Variants in QSOX2 observed in about 807,000 individuals in gnomAD.
The protein encoded by QSOX2 is quiescin sulfhydryl oxidase 2.
A neutral mutation model predicts 61.7 loss-of-function variants in QSOX2; 46 were observed. The observed-to-expected ratio is 0.75, with a 90% confidence interval of 0.59 to 0.95. QSOX2 has a LOEUF of 0.95. Among genes scored for constraint, QSOX2 ranks in the 40% least tolerant of loss-of-function variants. The pLI, the probability that QSOX2 is intolerant of heterozygous loss-of-function variation, is 0.00. For synonymous variants in QSOX2, 383 were observed against 388.4 expected, an observed-to-expected ratio of 0.99 and a Z score of 0.16; for missense variants, 879 against 918.9, an observed-to-expected ratio of 0.96 and a Z score of 0.56.
At chr9:136,236,245 A>G (rs1420948521) in intron 1 of QSOX2, among the ~76,000 whole-genome samples, 1 of 152,218 alleles carries the variant, frequency 6.6e-6, no homozygotes, top group African/African-American at 2.4e-5. Flanking sequence ...GGGCACCCGG[A>G]GACAGGACTG....
Position 136,228,861 on chromosome 9 carries a change from T to C in QSOX2, c.329-1987A>G, listed in dbSNP as rs567199115. On this transcript the variant is annotated intron_variant, in intron 1 of 11. Transcript: ENST00000358701. ...GATTCTGCCCACTTGTCTAAATCAA[T>C]GATTCCACTATAAATCATGTAAAAA... Among the ~76,000 whole-genome samples the C allele has an allele frequency of 2.0e-5, 3 of 152,336 alleles. No homozygotes were observed. The East Asian group carries it at 5.8e-4, about 29-fold the overall frequency.
chr9:136,242,987 G>A (rs1055662002), intron 1 of QSOX2, among the ~76,000 whole-genome samples: 1 of 152,208 alleles, frequency 6.6e-6, no homozygotes, highest in Non-Finnish European at 1.5e-5. Context: ...AGGCCCTGAC[G>A]GCAAGGGAGG....
Position 136,221,884 on chromosome 9 carries a change from C to T in QSOX2, c.733G>A (p.Asp245Asn), listed in dbSNP as rs1490764146. ...CCAAGTTTCTCCAGAAATGCTTTGT[C>T]CCCGTCCAGTGCTCGGGTCACCACG... ...SIVVTRALDG[D>N]KAFLEKLGVS... Residue 245 changes from aspartate (D) to asparagine (N), a missense_variant, in exon 6 of 12, where the codon GAC becomes AAC. Asp to Asn is a conservative substitution (Grantham distance 23). Coordinates refer to ENST00000358701, the MANE Select transcript of QSOX2 (RefSeq NM_181701.4). This position sits in a 1 kb window ranked among gnomAD's most constrained non-coding sequence, Gnocchi z 4.5. 1.2e-6 allele frequency: 2 copies of T among 1,612,504 alleles called. No individual in the cohort carries two copies. Among genetic ancestry groups the T allele is most frequent in the South Asian group, 1.1e-5 (1 of 90,600 alleles).
At position 136,224,914 on chromosome 9, in the gene QSOX2, G is replaced by A. The variant is rs1473622737; in HGVS notation, c.430-5C>T. On this transcript the variant is annotated splice_polypyrimidine_tract_variant and splice_region_variant and intron_variant, in intron 2 of 11. Transcript: ENST00000358701. ...CTTTGTAAATGCTTTAAAATACTAA[G>A]AGGAAAAACACAGAACAAGTAAGAG... 6.2e-7 allele frequency: 1 copy of A among 1,602,436 alleles called. No homozygotes were observed. Among genetic ancestry groups the A allele is most frequent in the Admixed American group, 1.7e-5 (1 of 58,482 alleles).
rs1436992937 is a variant in QSOX2 at position 136,207,664 on chromosome 9, G to A, written c.*1064C>T. 1 of 152,512 alleles carries A rather than the reference G, an allele frequency of 6.6e-6. No homozygotes were observed. The highest frequency in any genetic ancestry group is 1.9e-4 in the East Asian group (1 of 5,316). 9.4% of individuals were successfully genotyped at this position (152,512 alleles called of 1,614,324 possible). On this transcript the variant is annotated 3_prime_UTR_variant, in exon 12 of 12. Transcript: ENST00000358701. ...CTTCCCAAAACAGCTTCAGGCAAAG[G>A]AAGCCTGGCCCCCTCCGTGGGCCGA...
Position 136,222,900 on chromosome 9 carries a change from G to A in QSOX2, c.675+863C>T, listed in dbSNP as rs115715651. On this transcript the variant is annotated intron_variant, in intron 5 of 11. Transcript: ENST00000358701. The surrounding 1 kb of genome is among the most constrained non-coding windows in gnomAD (Gnocchi z 6.9). Reference sequence around the variant, plus strand: ...TCTGGGAGAGCCACACACTGCTAGCGGTTCCTCAGCCCTCCACAGAGAATC... The same window carrying A: ...TCTGGGAGAGCCACACACTGCTAGCAGTTCCTCAGCCCTCCACAGAGAATC... Among the ~76,000 whole-genome samples the A allele has an allele frequency of 5.2e-3, 799 of 152,314 alleles. 7 individuals carry two copies. The highest frequency in any genetic ancestry group is 0.018 in the African/African-American group (759 of 41,566).
chr9:136,216,409 G>C (rs1014055845), intron 9 of QSOX2, among the ~76,000 whole-genome samples, 191 bp downstream of exon 9: 2 of 152,238 alleles, frequency 1.3e-5, no homozygotes, highest in African/African-American at 4.8e-5. Flanking sequence ...TTAAACTGAA[G>C]TCCCAGCATG....
rs565213953 is a variant in QSOX2, at chr9:136,210,611, A to G, written c.1549+653T>C. 4.2e-4 allele frequency: 414 copies of G among 985,470 alleles called. 1 individual carries two copies. In the African/African-American group the frequency reaches 6.9e-3, roughly 16 times the overall value. The allele number at this position is 985,470 out of a possible 1,614,324, so 61.0% of individuals were successfully genotyped here. A position where few individuals can be genotyped will look rare whatever the true frequency, so the allele number is the denominator to read the frequency against. ...TCACATGACCCCGGCCCCGGCAGTC[A>G]GGCTCAGGGCAAAGAAAAACCAATT... On this transcript the variant is annotated intron_variant, in intron 11 of 11. Coordinates refer to ENST00000358701, the MANE Select transcript of QSOX2 (RefSeq NM_181701.4).
intron 1 of QSOX2, among the ~76,000 whole-genome samples, chr9:136,229,856 T>C (rs1314215820): frequency 1.3e-5 from 2 of 152,204 alleles, no homozygotes; most frequent in Non-Finnish European, 2.9e-5. Flanking sequence ...TCCTAGTTTC[T>C]ATCTTCCCGT....
At chr9:136,210,537 A>G (rs1831832303) in intron 11 of QSOX2, 2 of 985,324 alleles carry the variant, frequency 2.0e-6, no homozygotes, top group African/African-American at 1.7e-5. Flanking sequence ...AGAGACGGAG[A>G]AGCTGCGCTG....
chr9:136,227,209 G>A lies in QSOX2; in HGVS notation c.329-335C>T, dbSNP rs544934608. Among the ~76,000 whole-genome samples the A allele has an allele frequency of 2.0e-4, 30 of 152,286 alleles. No individual in the cohort carries two copies. The South Asian group carries it at 3.5e-3, about 18-fold the overall frequency. On this transcript the variant is annotated intron_variant, in intron 1 of 11. Coordinates refer to ENST00000358701, the MANE Select transcript of QSOX2 (RefSeq NM_181701.4). ...GCTGGTAACAGACGCGGCTGTCAGCGGCCGGCACTTAAGTCAGGACAGCAA... is the reference window on the plus strand; with the variant it reads ...GCTGGTAACAGACGCGGCTGTCAGCAGCCGGCACTTAAGTCAGGACAGCAA...
chr9:136,229,193 A>G (rs1830308342), intron 1 of QSOX2, among the ~76,000 whole-genome samples: 1 of 152,372 alleles, frequency 6.6e-6, no homozygotes, highest in East Asian at 1.9e-4. Context: ...CTTTCAGTGG[A>G]TGAGGGAGAA....
Position 136,224,654 on chromosome 9 carries a change from A to G in QSOX2, c.478+207T>C, listed in dbSNP as rs553223870. On this transcript the variant is annotated intron_variant, in intron 3 of 11. Transcript: ENST00000358701. ...TTACTCTGAAAAAGTTTTTACTACA[A>G]TATTTGCCAAGCAAGGCAAAGCACA... 3.3e-5 allele frequency among the ~76,000 whole-genome samples: 5 copies of G among 152,328 alleles called. No homozygotes were observed. The East Asian group carries it at 5.8e-4, about 18-fold the overall frequency.
rs1831805872 is a variant in QSOX2, at chr9:136,208,649, T to C, written c.*79A>G. On this transcript the variant is annotated 3_prime_UTR_variant, in exon 12 of 12. Coordinates refer to ENST00000358701, the MANE Select transcript of QSOX2 (RefSeq NM_181701.4). ...CGCATGTTTATAAAATCCCTGATCA[T>C]AAATATTAAAGCTGCAGGTGGCACG... 1 of 1,468,608 alleles carries C rather than the reference T, an allele frequency of 6.8e-7. No individual in the cohort carries two copies. The highest frequency in any genetic ancestry group is 9.1e-7 in the Non-Finnish European group (1 of 1,102,978). 91.0% of individuals were successfully genotyped at this position (1,468,608 alleles called of 1,614,324 possible).
intron 1 of QSOX2, among the ~76,000 whole-genome samples, chr9:136,230,566 C>T (rs1182670446): frequency 2.0e-5 from 3 of 152,226 alleles, no homozygotes; most frequent in Non-Finnish European, 2.9e-5. Flanking sequence ...GCCTCCGTGA[C>T]GGCATCCTTA....
chr9:136,211,510 C>T (rs540698056), intron 10 of QSOX2, 58 bp from the exon 11 acceptor site: 22 of 1,565,032 alleles, frequency 1.4e-5, no homozygotes, highest in Middle Eastern at 1.7e-4. Flanking sequence ...CCTGACCCCA[C>T]GCTTGTCCAG....
At chr9:136,215,683 T>C (rs1831903814) in intron 9 of QSOX2, among the ~76,000 whole-genome samples, 1 of 152,164 alleles carries the variant, frequency 6.6e-6, no homozygotes, top group Non-Finnish European at 1.5e-5. Flanking sequence ...AACTGTCAAA[T>C]AATTCTTGGC....
chr9:136,236,248 C>T (rs1377258756), intron 1 of QSOX2, among the ~76,000 whole-genome samples: 1 of 152,248 alleles, frequency 6.6e-6, no homozygotes, highest in Non-Finnish European at 1.5e-5. Flanking sequence ...CACCCGGAGA[C>T]AGGACTGGCT....
chr9:136,232,917 C>CAAAAAAAAAAAAAAAAAAAAAAAA (rs60814748), intron 1 of QSOX2, among the ~76,000 whole-genome samples: 1 of 45,518 alleles, frequency 2.2e-5, no homozygotes, highest in Non-Finnish European at 4.6e-5. Flanking sequence ...GAACCTGTCT[C>CAAAAAAAAAAAAAAAAAAAAAAAA]AAAAAAAAAA....
Sources: gnomAD v4.1 joint callset for allele counts (sites outside exome capture counted in the v4.1 genomes callset) on GRCh38, gnomAD v4.1.1 for gene constraint, Gnocchi (gnomAD v3.1) non-coding constraint, MANE v1.5 for transcripts, NCBI Gene and HGNC (gene_info 2026-07-23, HGNC 2026-07-21) for gene names.